The following BNC2 variants were observed in gnomAD, a reference collection of about 807,000 sequenced individuals.
BNC2 encodes the protein zinc finger protein basonuclin-2.
BNC2 carries 20 observed loss-of-function variants against 76.3 expected under a neutral mutation model. That is an observed-to-expected ratio of 0.26 (90% CI 0.18 to 0.38). The LOEUF (loss-of-function observed/expected upper bound fraction) is 0.38, where lower values mean the gene tolerates loss of function less well. Among genes scored for constraint, BNC2 ranks in the 10% least tolerant of loss-of-function variants. The pLI, the probability that BNC2 is intolerant of heterozygous loss-of-function variation, is 1.00. For synonymous variants in BNC2, 582 were observed against 514.8 expected, an observed-to-expected ratio of 1.13 and a Z score of -1.77; for missense variants, 1,382 against 1,399.8, an observed-to-expected ratio of 0.99 and a Z score of 0.20.
intron 5 of BNC2, among the ~76,000 whole-genome samples, chr9:16,495,586 G>C (rs1170261020): frequency 6.6e-6 from 1 of 152,218 alleles, no homozygotes; most frequent in Non-Finnish European, 1.5e-5. Flanking sequence ...AGTGGCAAGT[G>C]GTGCTGAATG....
At chr9:16,676,154 T>C (rs1822634524) in intron 3 of BNC2, among the ~76,000 whole-genome samples, 1 of 152,226 alleles carries the variant, frequency 6.6e-6, no homozygotes, top group African/African-American at 2.4e-5. Context: ...GATTCCATTA[T>C]CTACTCAAAC....
At chr9:16,739,268 A>C (rs557739072) in intron 1 of BNC2, among the ~76,000 whole-genome samples, 1 of 152,332 alleles carries the variant, frequency 6.6e-6, no homozygotes, top group South Asian at 2.1e-4. Flanking sequence ...AAAGCTTCTC[A>C]ACAGCAGTAA....
chr9:16,810,922 TAA>T (rs918620151), intron 1 of BNC2, among the ~76,000 whole-genome samples: 4 of 152,084 alleles, frequency 2.6e-5, no homozygotes, highest in African/African-American at 9.7e-5. Context: ...CGAACTCTTT[TAA>T]AACAGTGTAC....
chr9:16,649,147 T>C (rs1273366777), intron 3 of BNC2, among the ~76,000 whole-genome samples: 1 of 151,708 alleles, frequency 6.6e-6, no homozygotes, highest in Non-Finnish European at 1.5e-5. Context: ...TGAAAGAGAA[T>C]GAGCCTGACT....
chr9:16,604,403 T>G (rs1820323921), intron 3 of BNC2, among the ~76,000 whole-genome samples: 1 of 152,222 alleles, frequency 6.6e-6, no homozygotes, highest in South Asian at 2.1e-4. Context: ...TCATAAAACT[T>G]TAAATATAAA....
chr9:16,501,970 C>T (rs1438298167), intron 5 of BNC2, among the ~76,000 whole-genome samples: 2 of 152,200 alleles, frequency 1.3e-5, no homozygotes, highest in African/African-American at 2.4e-5. Flanking sequence ...ATTTAAAATG[C>T]ATTTCTAATT....
intron 3 of BNC2, among the ~76,000 whole-genome samples, chr9:16,669,336 A>G (rs781296981): frequency 1.3e-5 from 2 of 152,212 alleles, no homozygotes; most frequent in African/African-American, 2.4e-5. Flanking sequence ...TCACACCCCC[A>G]GGTTACATTT....
chr9:16,434,975 A>G, intron 6 of BNC2: 2 of 471,048 alleles, frequency 4.2e-6, no homozygotes, highest in Non-Finnish European at 4.4e-6. Flanking sequence ...CACAACTCTT[A>G]AAGAATTCAA....
chr9:16,641,841 T>G (rs1318992567), intron 3 of BNC2, among the ~76,000 whole-genome samples: 1 of 152,226 alleles, frequency 6.6e-6, no homozygotes, highest in Non-Finnish European at 1.5e-5. Context: ...CATTCCCACA[T>G]GAGAATTCCC....
At chr9:16,825,245 T>C (rs1270082904) in intron 1 of BNC2, among the ~76,000 whole-genome samples, 1 of 152,138 alleles carries the variant, frequency 6.6e-6, no homozygotes, top group Admixed American at 6.5e-5. Context: ...TTTCTACTCA[T>C]CAACCGTCAA....
intron 3 of BNC2, chr9:16,699,271 G>T (rs1823438209): frequency 3.5e-5 from 16 of 462,076 alleles, no homozygotes; most frequent in South Asian, 2.6e-4. Flanking sequence ...AAGCATGCAT[G>T]GGTTAGGAGG....
At chr9:16,631,952 C>G (rs1298895867) in intron 3 of BNC2, among the ~76,000 whole-genome samples, 3 of 152,150 alleles carry the variant, frequency 2.0e-5, no homozygotes, top group Non-Finnish European at 4.4e-5. Flanking sequence ...GGAAATAGCA[C>G]AAAATCGGCA....
At chr9:16,810,947 A>G (rs1203532327) in intron 1 of BNC2, among the ~76,000 whole-genome samples, 1 of 152,116 alleles carries the variant, frequency 6.6e-6, no homozygotes, top group Non-Finnish European at 1.5e-5. Context: ...GGGCCAGCGC[A>G]GTGGCTCACG....
At chr9:16,563,398 C>T (rs1056001576) in intron 4 of BNC2, among the ~76,000 whole-genome samples, 1 of 152,018 alleles carries the variant, frequency 6.6e-6, no homozygotes, top group African/African-American at 2.4e-5. Context: ...GAGGACAGAT[C>T]ACTTGAGGCC....
intron 5 of BNC2, chr9:16,476,257 A>C (rs1039170006): frequency 1.6e-4 from 24 of 152,332 alleles, no homozygotes; most frequent in Admixed American, 7.8e-4. Flanking sequence ...AGATAATCCT[A>C]GGGAAGTTCT....
chr9:16,667,259 C>A (rs533151572), intron 3 of BNC2, among the ~76,000 whole-genome samples: 2 of 152,270 alleles, frequency 1.3e-5, no homozygotes, highest in Non-Finnish European at 2.9e-5. Context: ...TAACAGCTAA[C>A]CAAAATTTGG....
intron 1 of BNC2, among the ~76,000 whole-genome samples, chr9:16,780,952 A>T (rs1414582474): frequency 6.6e-6 from 1 of 152,134 alleles, no homozygotes; most frequent in Admixed American, 6.5e-5. Context: ...CTAACCAAAA[A>T]GAGTACTTAA....
At chr9:16,612,824 G>C (rs1333737123) in intron 3 of BNC2, among the ~76,000 whole-genome samples, 1 of 152,142 alleles carries the variant, frequency 6.6e-6, no homozygotes, top group Non-Finnish European at 1.5e-5. Context: ...AAGATGGATA[G>C]GCTTTCAAGA....
chr9:16,536,366 C>G (rs769494591), intron 5 of BNC2, among the ~76,000 whole-genome samples: 3 of 152,132 alleles, frequency 2.0e-5, no homozygotes, highest in Non-Finnish European at 4.4e-5. Context: ...CCTATGTGGT[C>G]TTTCTTGTTG....
Sources: gnomAD v4.1 joint callset for allele counts (sites outside exome capture counted in the v4.1 genomes callset) on GRCh38, gnomAD v4.1.1 for gene constraint, MANE v1.5 for transcripts, NCBI Gene and HGNC (gene_info 2026-07-23, HGNC 2026-07-21) for gene names.